IFNGR1: variants seen among roughly 807,000 people sequenced by gnomAD.
IFNGR1 encodes the protein AVP, type 2.
In IFNGR1, 23 loss-of-function variants were observed where a neutral mutation model predicts 35.4. That is an observed-to-expected ratio of 0.65 (90% CI 0.47 to 0.92). IFNGR1 has a LOEUF of 0.92. Among genes scored for constraint, IFNGR1 ranks in the 40% least tolerant of loss-of-function variants. The pLI, the probability that IFNGR1 is intolerant of heterozygous loss-of-function variation, is 0.00. For missense variants in IFNGR1, 533 were observed against 583.4 expected, an observed-to-expected ratio of 0.91 and a Z score of 0.89; for synonymous variants, 199 against 209.5, an observed-to-expected ratio of 0.95 and a Z score of 0.43.
At chr6:137,218,624 A>C (rs1779765072) in intron 1 of IFNGR1, 2 of 499,132 alleles carry the variant, frequency 4.0e-6, no homozygotes, top group Non-Finnish European at 6.5e-6. Context: ...AGAAGTATTT[A>C]AGCCACGAAC....
chr6:137,202,395 C>G (rs180967258), intron 5 of IFNGR1, among the ~76,000 whole-genome samples: 2 of 152,076 alleles, frequency 1.3e-5, no homozygotes, highest in Admixed American at 6.5e-5. Context: ...AATAGCATAA[C>G]GAAAATTAGC....
intron 1 of IFNGR1, chr6:137,209,788 C>T: frequency 2.5e-6 from 1 of 398,854 alleles, no homozygotes; most frequent in Admixed American, 4.4e-5. Context: ...ATCAACCTCT[C>T]AACTCTACAC....
intron 1 of IFNGR1, among the ~76,000 whole-genome samples, chr6:137,213,427 T>C (rs1486837622): frequency 6.6e-6 from 1 of 152,046 alleles, no homozygotes; most frequent in Non-Finnish European, 1.5e-5. Context: ...TTCCCAGAAC[T>C]CCCCTACAAC....
intron 5 of IFNGR1, among the ~76,000 whole-genome samples, chr6:137,202,202 C>A (rs1483781703): frequency 1.3e-5 from 2 of 152,136 alleles, no homozygotes; most frequent in Non-Finnish European, 2.9e-5. Flanking sequence ...TTAGAAGTCC[C>A]ACGGGCTGAG....
chr6:137,198,519 G>A lies in IFNGR1; in HGVS notation c.982C>T (p.Pro328Ser), dbSNP rs2114444963. 1 of 1,614,084 alleles carries A rather than the reference G, an allele frequency of 6.2e-7. No homozygotes were observed. The highest frequency in any genetic ancestry group is 8.5e-7 in the Non-Finnish European group (1 of 1,180,000). ...KEVVCEEPLSPATVPGMHTED... is the reference protein window; with the variant it reads ...KEVVCEEPLSSATVPGMHTED... ...GTATGCATGCCTGGAACTGTTGCTGGAGACAACGGCTCTTCACAGACCACC... is the reference window on the plus strand; with the variant it reads ...GTATGCATGCCTGGAACTGTTGCTGAAGACAACGGCTCTTCACAGACCACC... Residue 328 changes from proline (P) to serine (S), a missense_variant, in exon 7 of 7, where the codon CCA becomes TCA. Transcript: ENST00000367739.
chr6:137,211,192 G>A (rs571490541), intron 1 of IFNGR1, among the ~76,000 whole-genome samples: 26 of 151,988 alleles, frequency 1.7e-4, no homozygotes, highest in Middle Eastern at 3.4e-3. Context: ...GCATCAGACA[G>A]CCTCCACAAC....
chr6:137,218,420 CCGAA>C, intron 1 of IFNGR1: 2 of 1,110,898 alleles, frequency 1.8e-6, no homozygotes, highest in African/African-American at 3.2e-5. Flanking sequence ...ATAAAATGCT[CCGAA>C]GAACAAACCC....
chr6:137,215,263 T>G (rs1435789498), intron 1 of IFNGR1: 1 of 1,547,852 alleles, frequency 6.5e-7, no homozygotes, highest in African/African-American at 1.4e-5. Context: ...AAGGGGTAAA[T>G]TACCTCCATA....
chr6:137,211,145 G>A (rs992575436), intron 1 of IFNGR1, among the ~76,000 whole-genome samples: 5 of 151,974 alleles, frequency 3.3e-5, no homozygotes, highest in African/African-American at 1.2e-4. Context: ...GGCATCTAGA[G>A]GGCAGAGACC....
chr6:137,219,302 A>T lies in IFNGR1; in HGVS notation c.26T>A (p.Leu9His), dbSNP rs201275515. 1.2e-5 allele frequency: 19 copies of T among 1,610,726 alleles called. No homozygotes were observed. The highest frequency in any genetic ancestry group is 2.2e-5 in the East Asian group (1 of 44,740). Residue 9 changes from leucine (L) to histidine (H), a missense_variant, in exon 1 of 7, where the codon CTT (leucine) becomes CAT (histidine). Transcript: ENST00000367739. Reference sequence around the variant, plus strand: ...AGCCCTGCTCACACCCTGCATGACAAGGGGTAGGAGAAAGAGGAGAGCCAT... The same window carrying T: ...AGCCCTGCTCACACCCTGCATGACATGGGGTAGGAGAAAGAGGAGAGCCAT... Reference protein sequence around the residue: MALLFLLPLVMQGVSRAEM... With the variant: MALLFLLPHVMQGVSRAEM...
chr6:137,212,990 T>A (rs1380929094), intron 1 of IFNGR1, among the ~76,000 whole-genome samples: 1 of 152,224 alleles, frequency 6.6e-6, no homozygotes, highest in Non-Finnish European at 1.5e-5. Context: ...GAGGAGAAAC[T>A]GTGTGGTTAT....
intron 1 of IFNGR1, among the ~76,000 whole-genome samples, chr6:137,208,244 G>A (rs1204736322): frequency 6.6e-6 from 1 of 152,168 alleles, no homozygotes; most frequent in Non-Finnish European, 1.5e-5. Flanking sequence ...GGGAAGCAGA[G>A]CATAAAAGTT....
intron 5 of IFNGR1, among the ~76,000 whole-genome samples, chr6:137,203,034 A>G (rs1779323388): frequency 6.6e-6 from 1 of 152,096 alleles, no homozygotes; most frequent in African/African-American, 2.4e-5. Context: ...TATTATTCAA[A>G]CCCATCTATA....
intron 1 of IFNGR1, among the ~76,000 whole-genome samples, chr6:137,214,958 T>C (rs951949270): frequency 2.0e-5 from 3 of 152,168 alleles, no homozygotes; most frequent in Non-Finnish European, 2.9e-5. Context: ...TTCTCACATA[T>C]GACTAAGGGA....
chr6:137,199,600 AG>A (rs1779229512), intron 6 of IFNGR1, among the ~76,000 whole-genome samples: 1 of 121,644 alleles, frequency 8.2e-6, no homozygotes, highest in Non-Finnish European at 1.6e-5. Flanking sequence ...ATTTATATAA[AG>A]GGGAGTTTAT....
intron 1 of IFNGR1, 34 bp downstream of exon 1, chr6:137,219,209 G>A (rs756592337): frequency 6.3e-7 from 1 of 1,583,712 alleles, no homozygotes; most frequent in Non-Finnish European, 8.6e-7. Context: ...CTCTCGTCCC[G>A]ACCCGGCCGC....
chr6:137,208,370 A>C (rs1454856775), intron 1 of IFNGR1, among the ~76,000 whole-genome samples: 1 of 152,236 alleles, frequency 6.6e-6, no homozygotes, highest in Non-Finnish European at 1.5e-5. Flanking sequence ...TTAATCCCCA[A>C]GGCCATCGAG....
rs1196793520 is a variant in IFNGR1 at position 137,206,269 on chromosome 6, A to C, written c.240T>G (p.Ile80Met). The C allele has an allele frequency of 6.2e-7, 1 of 1,610,572 alleles. No individual in the cohort carries two copies. Among genetic ancestry groups the C allele is most frequent in the Admixed American group, 1.7e-5 (1 of 60,036 alleles). ...CAGAAATATTACAATAATGATGAGA[A>C]ATATTGATGCAGGCATCAATCCATT... The part of the protein sequence containing the change: ...NSEWIDACIN[I>M]SHHYCNISDH... Residue 80 changes from isoleucine (I) to methionine (M), a missense_variant, in exon 3 of 7, where the codon ATT becomes ATG. Coordinates refer to ENST00000367739, the MANE Select transcript of IFNGR1 (RefSeq NM_000416.3).
At chr6:137,216,529 A>T (rs752347042) in intron 1 of IFNGR1, among the ~76,000 whole-genome samples, 23 of 152,144 alleles carry the variant, frequency 1.5e-4, no homozygotes, top group Non-Finnish European at 2.6e-4. Flanking sequence ...TGACTATATC[A>T]CCATATTCAC....
Sources: allele counts gnomAD v4.1 joint callset (sites outside exome capture counted in the v4.1 genomes callset), GRCh38; gene constraint gnomAD v4.1.1; transcripts MANE v1.5; gene names NCBI Gene and HGNC (gene_info 2026-07-23, HGNC 2026-07-21).